SIGIRR: variants seen among roughly 807,000 people sequenced by gnomAD.
SIGIRR encodes the protein single Ig and TIR domain containing.
SIGIRR carries 41 observed loss-of-function variants against 45.6 expected under a neutral mutation model. That is an observed-to-expected ratio of 0.90 (90% CI 0.70 to 1.17). The LOEUF (loss-of-function observed/expected upper bound fraction) is 1.17. Ranked by LOEUF, SIGIRR falls within the 50% of genes most tolerant of loss-of-function variation. The pLI is 0.00. For missense variants in SIGIRR, 599 were observed against 539.6 expected (o/e 1.11, Z -1.09); for synonymous variants, 298 against 239.0 (o/e 1.25, Z -2.28).
In SIGIRR at chr11:414,859, G is replaced by A. The variant is rs952630437; in HGVS notation, c.-190C>T. ...TCTTTCCTCCGGGGGGCAAATGTTG[G>A]TCATTGGTGCGCCTTTGGGAGCAAA... On this transcript the variant is annotated 5_prime_UTR_variant, in exon 1 of 10. Transcript: ENST00000431843. The A allele has an allele frequency of 3.5e-4, 349 of 985,436 alleles. 1 individual carries two copies. The highest frequency in any genetic ancestry group is 9.2e-4 in the Admixed American group (15 of 16,272). The allele number at this position is 985,436 out of a possible 1,614,324, so 61.0% of individuals were successfully genotyped here. A position where few individuals can be genotyped will look rare whatever the true frequency, so the allele number is the denominator to read the frequency against.
rs1323963855 is a variant in SIGIRR at position 406,743 on chromosome 11, TGCCGCAGAGCTCCC to T, written c.879+86_879+99del. 8.4e-6 allele frequency: 12 copies of T among 1,428,144 alleles called. 1 individual carries two copies. Among genetic ancestry groups the T allele is most frequent in the Non-Finnish European group, 9.2e-6 (10 of 1,091,340 alleles). 88.5% of individuals were successfully genotyped at this position (1,428,144 alleles called of 1,614,324 possible). A position where few individuals can be genotyped will look rare whatever the true frequency, so the allele number is the denominator to read the frequency against. On this transcript the variant is annotated intron_variant, in intron 8 of 9. Transcript: ENST00000431843. Reference sequence around the variant, plus strand: ...CCCAGGGCCCATTCACAAAGCGTGGTGCCGCAGAGCTCCCCACGGAGGGGTCCCAGCCTGGAGCC... The same window carrying T: ...CCCAGGGCCCATTCACAAAGCGTGGTCACGGAGGGGTCCCAGCCTGGAGCC...
intron 1 of SIGIRR, among the ~76,000 whole-genome samples, chr11:412,903 C>A (rs1486326465): frequency 2.0e-5 from 3 of 152,120 alleles, no homozygotes; most frequent in Non-Finnish European, 2.9e-5. Flanking sequence ...GGTCCCATGT[C>A]CTTTCCCAGC....
Position 407,103 on chromosome 11 carries a change from C to T in SIGIRR, c.687G>A (p.Ser229=), listed in dbSNP as rs1365278793. 2.6e-6 allele frequency: 4 copies of T among 1,511,142 alleles called. No homozygotes were observed. The highest frequency in any genetic ancestry group is 4.0e-5 in the Admixed American group (2 of 50,284). 93.6% of individuals were successfully genotyped at this position (1,511,142 alleles called of 1,614,324 possible). Residue 229 remains serine, a synonymous_variant, in exon 7 of 10, where the codon TCG becomes TCA. Transcript: ENST00000431843. ...SRCRRLIVVL[S]DAFLSRAWCS... Reference sequence around the variant, plus strand: ...ACCAGGCCCGGCTCAGGAAGGCGTCCGAAAGCACCACGATGAGGCGTCGGC... The same window carrying T: ...ACCAGGCCCGGCTCAGGAAGGCGTCTGAAAGCACCACGATGAGGCGTCGGC...
rs1590365223 is a variant in SIGIRR, at chr11:405,816, T to G, written c.*80A>C. 1 of 1,468,152 alleles carries G rather than the reference T, an allele frequency of 6.8e-7. No individual in the cohort carries two copies. Among genetic ancestry groups the G allele is most frequent in the Admixed American group, 2.1e-5 (1 of 46,574 alleles). 90.9% of individuals were successfully genotyped at this position (1,468,152 alleles called of 1,614,324 possible). A position where few individuals can be genotyped will look rare whatever the true frequency, so the allele number is the denominator to read the frequency against. ...AGGGTCCCAGGGCTGCTGGCAGGGG[T>G]TGTGGTCCTGTTGAGCAGAGGAGCG... On this transcript the variant is annotated 3_prime_UTR_variant, in exon 10 of 10. Coordinates refer to ENST00000431843, the MANE Select transcript of SIGIRR (RefSeq NM_001135054.2).
chr11:407,720 A>G (rs1003596817), intron 5 of SIGIRR, 97 bp downstream of exon 5: 2 of 1,574,072 alleles, frequency 1.3e-6, no homozygotes, highest in Admixed American at 1.7e-5. Flanking sequence ...CCGGGGGCTA[A>G]CCCCTCCCCG....
At chr11:409,147 C>G in intron 2 of SIGIRR, 1 of 552,786 alleles carries the variant, frequency 1.8e-6, no homozygotes. Context: ...GCCCCAGGCC[C>G]ACGCTCAAGC....
chr11:407,829 C>T lies in SIGIRR; in HGVS notation c.469G>A (p.Val157Met), dbSNP rs1177848010. The change falls in exon 5 of 10, where the codon GTG becomes ATG. Residue 157 changes from valine (V) to methionine (M), a missense_variant. Physicochemically the swap from Val to Met is conservative, Grantham distance 21 (BLOSUM62 1). Transcript: ENST00000431843. ...GGGCCCCACGCACCGTTTATCTCCA[C>T]CTCCCCATACGCGTCCTGGTACCAG... ...LLWYQDAYGEVEINDGKLYDA... is the reference protein window; with the variant it reads ...LLWYQDAYGEMEINDGKLYDA... 1.2e-6 allele frequency: 2 copies of T among 1,612,586 alleles called. No individual in the cohort carries two copies. Among genetic ancestry groups the T allele is most frequent in the Non-Finnish European group, 1.7e-6 (2 of 1,179,840 alleles).
intron 1 of SIGIRR, among the ~76,000 whole-genome samples, chr11:412,963 G>T (rs1847740099): frequency 6.6e-6 from 1 of 152,148 alleles, no homozygotes; most frequent in Admixed American, 6.5e-5. Context: ...TCCTCAGTGA[G>T]GTGGCTGCAG....
Position 407,439 on chromosome 11 carries a change from A to T in SIGIRR, c.611T>A (p.Leu204His). 1.3e-6 allele frequency: 2 copies of T among 1,549,752 alleles called. No individual in the cohort carries two copies. Among genetic ancestry groups the T allele is most frequent in the Non-Finnish European group, 1.7e-6 (2 of 1,146,968 alleles). Residue 204 changes from leucine to histidine, a missense_variant, in exon 6 of 10, where the codon CTC becomes CAC. By Grantham distance (99) the Leu-to-His change is moderately conservative (BLOSUM62 -3). Transcript: ENST00000431843. Reference protein sequence around the residue: ...GYKLFLDDRDLLPRAEPSADL... With the variant: ...GYKLFLDDRDHLPRAEPSADL... ...GCCCGGGATACCAGCGCGCGGCAGG[A>T]GGTCGCGGTCGTCCAGGAAGAGCTT...
In SIGIRR at chr11:408,111, T is replaced by G. The variant is rs1400378240; in HGVS notation, c.302A>C (p.Gln101Pro). The G allele has an allele frequency of 6.2e-7, 1 of 1,612,838 alleles. No individual in the cohort carries two copies. Among genetic ancestry groups the G allele is most frequent in the Non-Finnish European group, 8.5e-7 (1 of 1,179,966 alleles). ...AGTGAAGGAGGAGAAGCTGATGTTC[T>G]GGATGGAGCAGGTGAAGGCCCCATA... ...EVYGAFTCSI[Q>P]NISFSSFTLQ... is the part of the protein sequence containing the mutation. The change falls in exon 4 of 10, where the codon CAG (glutamine) becomes CCG (proline). Residue 101 changes from glutamine (Q) to proline (P), a missense_variant. Transcript: ENST00000431843.
chr11:408,066 C>G lies in SIGIRR; in HGVS notation c.340+7G>C. 1 of 1,612,680 alleles carries G rather than the reference C, an allele frequency of 6.2e-7. No homozygotes were observed. Among genetic ancestry groups the G allele is most frequent in the East Asian group, 2.2e-5 (1 of 44,876 alleles). On this transcript the variant is annotated splice_region_variant and intron_variant, in intron 4 of 9. Transcript: ENST00000431843. ...TTCTACCCTCCACCTTGGGGAACCC[C>G]CATCACCAGCTCTCTGAAGAGTGAA...
At chr11:413,456 A>G (rs78095139) in intron 1 of SIGIRR, among the ~76,000 whole-genome samples, 3,978 of 151,988 alleles carry the variant, frequency 0.026, 192 homozygotes, top group African/African-American at 0.091. Flanking sequence ...CAAGCCCGGG[A>G]GGTCACACCG....
Position 406,440 on chromosome 11 carries a change from G to T in SIGIRR, c.978C>A (p.Asp326Glu), listed in dbSNP as rs569951384. 68 of 1,612,744 alleles carry T rather than the reference G, an allele frequency of 4.2e-5. 1 individual carries two copies. In the African/African-American group the frequency reaches 8.5e-4, roughly 20 times the overall value. ...GAAGAATCAGCATGGGGTCCTTGTCGTCCTGCAGCTGCGTCTGGGGGTCTC... is the reference window on the plus strand; with the variant it reads ...GAAGAATCAGCATGGGGTCCTTGTCTTCCTGCAGCTGCGTCTGGGGGTCTC... ...VEGDPQTQLQ[D>E]DKDPMLILRG... Residue 326 changes from aspartate to glutamate, a missense_variant, in exon 9 of 10, where the codon GAC becomes GAA. Physicochemically the swap from Asp to Glu is conservative, Grantham distance 45. Coordinates refer to ENST00000431843, the MANE Select transcript of SIGIRR (RefSeq NM_001135054.2).
chr11:409,348 A>G (rs1847489053), intron 2 of SIGIRR: 2 of 309,920 alleles, frequency 6.5e-6, no homozygotes, highest in Admixed American at 4.4e-5. Flanking sequence ...GGGGACCCAG[A>G]TGCCCAGTGT....
intron 1 of SIGIRR, among the ~76,000 whole-genome samples, chr11:412,732 G>C (rs1216478240): frequency 6.6e-6 from 1 of 151,444 alleles, no homozygotes; most frequent in African/African-American, 2.4e-5. Flanking sequence ...AGTCGAGGGG[G>C]GGTGCCCAGC....
Position 408,176 on chromosome 11 carries a change from C to A in SIGIRR, c.237G>T (p.Val79=). The A allele has an allele frequency of 6.2e-7, 1 of 1,612,738 alleles. No individual in the cohort carries two copies. Among genetic ancestry groups the A allele is most frequent in the Non-Finnish European group, 8.5e-7 (1 of 1,179,946 alleles). Residue 79 remains valine (V), a synonymous_variant, in exon 4 of 10, where the codon GTG becomes GTT. Transcript: ENST00000431843. ...WVKANLSEVL[V]SSVLGVNVTS... ...TCACGTTGACCCCCAGGACACTGGACACAAGCACCTCTGACAGGTTGGCCT... is the reference window on the plus strand; with the variant it reads ...TCACGTTGACCCCCAGGACACTGGAAACAAGCACCTCTGACAGGTTGGCCT...
At chr11:407,292 A>T in intron 6 of SIGIRR, 128 bp from the exon 7 acceptor site, 1 of 593,080 alleles carries the variant, frequency 1.7e-6, no homozygotes, top group Non-Finnish European at 2.4e-6. Flanking sequence ...CGGGTTTTTG[A>T]GGCGGGGCCT....
In SIGIRR at chr11:408,189, G is replaced by A; in HGVS notation, c.224C>T (p.Ser75Leu). 1 of 1,612,646 alleles carries A rather than the reference G, an allele frequency of 6.2e-7. No individual in the cohort carries two copies. The highest frequency in any genetic ancestry group is 8.5e-7 in the Non-Finnish European group (1 of 1,179,936). ...CAGGACACTGGACACAAGCACCTCT[G>A]ACAGGTTGGCCTTGACCCTGGGGAT... is the stretch of plus-strand genomic sequence containing the variant. The part of the protein sequence containing the change: ...HEYSWVKANL[S>L]EVLVSSVLGV... Residue 75 changes from serine to leucine, a missense_variant, in exon 4 of 10, where the codon TCA (serine) becomes TTA (leucine). Coordinates refer to ENST00000431843, the MANE Select transcript of SIGIRR (RefSeq NM_001135054.2).
chr11:406,919 G>A lies in SIGIRR; in HGVS notation c.803C>T (p.Pro268Leu). 1 of 1,596,048 alleles carries A rather than the reference G, an allele frequency of 6.3e-7. No homozygotes were observed. Among genetic ancestry groups the A allele is most frequent in the East Asian group, 2.3e-5 (1 of 44,370 alleles). Residue 268 changes from proline (P) to leucine (L), a missense_variant, in exon 8 of 10, where the codon CCC becomes CTC. Transcript: ENST00000431843. ...FITFEGQRRDPAHPALRLLRQ... is the reference protein window; with the variant it reads ...FITFEGQRRDLAHPALRLLRQ... ...CAGCAGGCGGAGCGCCGGGTGCGCG[G>A]GGTCGCGCCTCTGGCCCTCGAAGGT...
Sources: gnomAD v4.1 joint callset for allele counts (sites outside exome capture counted in the v4.1 genomes callset) on GRCh38, gnomAD v4.1.1 for gene constraint, MANE v1.5 for transcripts, NCBI Gene and HGNC (gene_info 2026-07-23, HGNC 2026-07-21) for gene names.